POLE: variants seen among roughly 807,000 people sequenced by gnomAD.
The protein encoded by POLE is DNA polymerase epsilon, catalytic subunit, also known as DNA polymerase epsilon catalytic subunit A.
A neutral mutation model predicts 279.2 loss-of-function variants in POLE; 188 were observed. The ratio of observed to expected loss-of-function variants is 0.67; its 90% CI spans 0.60 to 0.76. The LOEUF (loss-of-function observed/expected upper bound fraction) is 0.76, where lower values mean the gene tolerates loss of function less well. Among genes scored for constraint, POLE ranks in the 30% least tolerant of loss-of-function variants. POLE has a pLI of 0.00. For synonymous variants in POLE, 1,214 were observed against 1,172.5 expected (o/e 1.04, Z -0.72); for missense variants, 2,703 against 3,016.7 (o/e 0.90, Z 2.44).
chr12:132,642,029 T>C lies in POLE; in HGVS notation c.5173+148A>G, dbSNP rs1593728701. The C allele has an allele frequency of 5.3e-6, 5 of 936,302 alleles. No homozygotes were observed. In the East Asian group the frequency reaches 1.2e-4, roughly 23 times the overall value. The allele number at this position is 936,302 out of a possible 1,614,324, so 58.0% of individuals were successfully genotyped here. A position where few individuals can be genotyped will look rare whatever the true frequency, so the allele number is the denominator to read the frequency against. ...GGCACAGGAGGCCCCACCTGGACCT[T>C]GACCCCAGGACCGTCTCCTGCAGCC... On this transcript the variant is annotated intron_variant, in intron 38 of 48. Coordinates refer to ENST00000320574, the MANE Select transcript of POLE (RefSeq NM_006231.4).
Position 132,649,395 on chromosome 12 carries a change from C to G in POLE, c.3916G>C (p.Ala1306Pro), listed in dbSNP as rs774219559. ...CCCGTGGCAGGACCATCCCGGATGG[C>G]CCCGGGCCTGAGCACACCCTCTGCC... ...ESAEGVLRPG[A>P]IRDGPATGLG... Residue 1306 changes from alanine (A) to proline (P), a missense_variant, in exon 31 of 49, where the codon GCC (alanine) becomes CCC (proline). Ala to Pro is a conservative substitution (Grantham distance 27). Transcript: ENST00000320574. 3 of 1,613,314 alleles carry G rather than the reference C, an allele frequency of 1.9e-6. No individual in the cohort carries two copies. Among genetic ancestry groups the G allele is most frequent in the Non-Finnish European group, 1.7e-6 (2 of 1,180,030 alleles).
intron 30 of POLE, 77 bp downstream of exon 30, chr12:132,649,600 G>A: frequency 1.3e-6 from 2 of 1,597,148 alleles, no homozygotes; most frequent in Non-Finnish European, 1.7e-6. Flanking sequence ...GCCTCCCTAG[G>A]GGTCAGGACG....
At position 132,641,772 on chromosome 12, in the gene POLE, G is replaced by A. The variant is rs765888059; in HGVS notation, c.5253C>T (p.Ala1751=). The change falls in exon 39 of 49, where the codon GCC becomes GCT. Residue 1751 remains alanine, a synonymous_variant. Transcript: ENST00000320574. ...CGTCGAAGCTGATCCCCATGCTGTC[G>A]GCCCCCTCCATGTCGTTGACATGGT... ...QSHHVNDMEG[A]DSMGISFDVI... The A allele has an allele frequency of 1.4e-5, 22 of 1,609,674 alleles. No individual in the cohort carries two copies. Among genetic ancestry groups the A allele is most frequent in the African/African-American group, 6.7e-5 (5 of 74,890 alleles).
Position 132,642,553 on chromosome 12 carries a change from G to A in POLE, c.4905C>T (p.His1635=), listed in dbSNP as rs1593730767. 1 of 1,613,664 alleles carries A rather than the reference G, an allele frequency of 6.2e-7. No individual in the cohort carries two copies. The highest frequency in any genetic ancestry group is 8.5e-7 in the Non-Finnish European group (1 of 1,180,042). Residue 1635 remains histidine (H), a synonymous_variant, in exon 37 of 49, where the codon CAC becomes CAT. Transcript: ENST00000320574. ...QRHGARRMIR[H]YLNLDTCLSQ... is the part of the protein sequence containing the mutation. ...ACAGGCAGGTGTCCAGGTTGAGGTA[G>A]TGACGGATCATGCGCCGGGCTCCAT...
At chr12:132,657,844 G>C in intron 27 of POLE, 24 bp downstream of exon 27, 1 of 1,481,254 alleles carries the variant, frequency 6.8e-7, no homozygotes, top group East Asian at 2.3e-5. Context: ...ACTTTTAAGA[G>C]TAGAGAACGC....
chr12:132,625,535 G>C (rs748456559), intron 47 of POLE, 110 bp downstream of exon 47: 102 of 1,406,094 alleles, frequency 7.3e-5, no homozygotes, highest in Non-Finnish European at 9.9e-5. Flanking sequence ...AGGCCCCTTG[G>C]AAGACACCAG....
intron 29 of POLE, chr12:132,651,204 A>G (rs1013010690): frequency 6.6e-6 from 1 of 152,184 alleles, no homozygotes; most frequent in Non-Finnish European, 1.5e-5. Context: ...TCAGCCATGT[A>G]TTTTTGAGAC....
intron 26 of POLE, 39 bp downstream of exon 26, chr12:132,659,256 G>GA: frequency 1.3e-6 from 2 of 1,595,436 alleles, no homozygotes; most frequent in Non-Finnish European, 1.7e-6. Flanking sequence ...TCCGTGATGG[G>GA]AGGAGCCCTC....
chr12:132,648,632 C>A (rs2042342025), intron 32 of POLE: 12 of 298,726 alleles, frequency 4.0e-5, no homozygotes. Context: ...CTGTTAACAA[C>A]CAAAGAGCCT....
At chr12:132,656,008 T>A (rs7303791) in intron 29 of POLE, among the ~76,000 whole-genome samples, 79,227 of 149,384 alleles carry the variant, frequency 0.53, 22,008 homozygotes, top group African/African-American at 0.7. Flanking sequence ...ACTAAAAATT[T>A]AAAAAAAAAA....
intron 26 of POLE, 38 bp downstream of exon 26, chr12:132,659,232 GGAGCCCTCACCTGTCCGTGATGGGA>G: frequency 6.5e-7 from 1 of 1,526,748 alleles, no homozygotes; most frequent in South Asian, 1.2e-5. Context: ...CGTGACGGAG[GGAGCCCTCACCTGTCCGTGATGGGA>G]GGAGCCCTCA....
chr12:132,644,024 T>C, intron 32 of POLE, 47 bp from the exon 33 acceptor site: 2 of 1,593,860 alleles, frequency 1.3e-6, no homozygotes, highest in Non-Finnish European at 1.7e-6. Context: ...TAAGTGGTAA[T>C]GTCTGTGGTA....
At chr12:132,637,500 G>A (rs996928229) in intron 41 of POLE, among the ~76,000 whole-genome samples, 1 of 152,226 alleles carries the variant, frequency 6.6e-6, no homozygotes, top group Non-Finnish European at 1.5e-5. Context: ...AGTGCTGAGT[G>A]TGTGAGAAGC....
intron 38 of POLE, 117 bp from the exon 39 acceptor site, chr12:132,641,968 C>T (rs1312786378): frequency 2.0e-6 from 2 of 1,022,664 alleles, no homozygotes; most frequent in Admixed American, 2.0e-5. Flanking sequence ...TGCCCACACC[C>T]ATCCTCACAC....
chr12:132,658,238 AC>A (rs1465437548), intron 26 of POLE: 2 of 397,580 alleles, frequency 5.0e-6, no homozygotes, highest in South Asian at 5.1e-5. Flanking sequence ...ATATACATAA[AC>A]ACATGCGTGT....
intron 29 of POLE, chr12:132,650,593 C>G (rs772322291): frequency 1.6e-4 from 25 of 151,952 alleles, no homozygotes; most frequent in African/African-American, 5.6e-4. Context: ...CCAGCCTGGG[C>G]GAGAGGGTGA....
chr12:132,675,532 G>C lies in POLE; in HGVS notation c.1107-15C>G. On this transcript the variant is annotated splice_polypyrimidine_tract_variant and intron_variant, in intron 11 of 48. Transcript: ENST00000320574. The surrounding 1 kb of genome is among the most constrained non-coding windows in gnomAD (Gnocchi z 4.3). ...CCACAAATGGCCTGGGTTGGAAAGA[G>C]GACAGACAAGCAAGTGGGCAGGTCA... 1.2e-6 allele frequency: 2 copies of C among 1,613,774 alleles called. No individual in the cohort carries two copies. The highest frequency in any genetic ancestry group is 1.3e-5 in the African/African-American group (1 of 75,050).
Position 132,672,798 on chromosome 12 carries a change from C to T in POLE, c.1515G>A (p.Leu505=). 1 of 1,614,218 alleles carries T rather than the reference C, an allele frequency of 6.2e-7. No homozygotes were observed. The highest frequency in any genetic ancestry group is 8.5e-7 in the Non-Finnish European group (1 of 1,180,032). Residue 505 remains leucine (L), a synonymous_variant, in exon 15 of 49, where the codon CTG becomes CTA. Transcript: ENST00000320574. ...KGSGTLCEAL[L]MVQAFHANII... is the part of the protein sequence containing the mutation. ...TGTTGGCGTGGAAGGCCTGCACCAT[C>T]AGCAAGGCCTCACACAGAGTGCCAG... is the stretch of plus-strand genomic sequence containing the variant.
At chr12:132,673,391 G>T in intron 13 of POLE, 114 bp from the exon 14 acceptor site, 1 of 1,156,050 alleles carries the variant, frequency 8.7e-7, no homozygotes, top group Non-Finnish European at 1.3e-6. Flanking sequence ...ACAGTAAGGA[G>T]ACCGGCACAG....
Sources: allele counts gnomAD v4.1 joint callset (sites outside exome capture counted in the v4.1 genomes callset), GRCh38; gene constraint gnomAD v4.1.1; non-coding constraint Gnocchi (gnomAD v3.1); transcripts MANE v1.5; gene names NCBI Gene and HGNC (gene_info 2026-07-23, HGNC 2026-07-21).